The following PCDH15 variants were observed in gnomAD, a reference collection of about 807,000 sequenced individuals.
PCDH15 encodes protocadherin-15.
A neutral mutation model predicts 178.5 loss-of-function variants in PCDH15; 129 were observed. That is an observed-to-expected ratio of 0.72 (90% CI 0.63 to 0.84). The LOEUF is 0.84. Ranked by LOEUF, PCDH15 falls within the 40% of genes least tolerant of loss-of-function variation. The pLI, the probability that PCDH15 is intolerant of heterozygous loss-of-function variation, is 0.00. For synonymous variants in PCDH15, 800 were observed against 732.0 expected (o/e 1.09, Z -1.50); for missense variants, 2,230 against 2,099.9 (o/e 1.06, Z -1.21).
At chr10:55,263,270 T>C (rs138186625) in intron 1 of PCDH15, among the ~76,000 whole-genome samples, 93 of 152,306 alleles carry the variant, frequency 6.1e-4, no homozygotes, top group African/African-American at 2.2e-3. Context: ...CTTTTATGGT[T>C]TGAAATGGCT....
intron 13 of PCDH15, among the ~76,000 whole-genome samples, chr10:54,160,063 T>C (rs1331883447): frequency 6.6e-6 from 1 of 152,128 alleles, no homozygotes; most frequent in African/African-American, 2.4e-5. Flanking sequence ...TTGGGACCAT[T>C]GTTATGTAAA....
intron 2 of PCDH15, among the ~76,000 whole-genome samples, chr10:55,359,733 TATATATATATATATAC>T (rs1845179727): frequency 8.4e-6 from 1 of 118,384 alleles, no homozygotes; most frequent in Non-Finnish European, 1.8e-5. Context: ...TATATATATA[TATATATATATATATAC>T]ACACACACAC....
chr10:54,093,287 C>G (rs1169030026), intron 15 of PCDH15, among the ~76,000 whole-genome samples: 1 of 151,990 alleles, frequency 6.6e-6, no homozygotes, highest in Non-Finnish European at 1.5e-5. Context: ...TTATTTGATT[C>G]CTTTCTTCAT....
intron 10 of PCDH15, among the ~76,000 whole-genome samples, chr10:54,204,461 A>G (rs1250419428): frequency 6.6e-6 from 1 of 151,958 alleles, no homozygotes; most frequent in African/African-American, 2.4e-5. Context: ...GAGGTGTAGG[A>G]GGCGTATGGG....
At chr10:54,447,185 T>C (rs1322877468) in intron 3 of PCDH15, among the ~76,000 whole-genome samples, 1 of 151,644 alleles carries the variant, frequency 6.6e-6, no homozygotes, top group Non-Finnish European at 1.5e-5. Flanking sequence ...TACATGAGCC[T>C]GAATTTGGGT....
chr10:54,029,829 G>A (rs1175551279), intron 18 of PCDH15, among the ~76,000 whole-genome samples: 1 of 151,964 alleles, frequency 6.6e-6, no homozygotes, highest in Non-Finnish European at 1.5e-5. Flanking sequence ...CCATAAAAGT[G>A]GAAGTCCATT....
At chr10:54,678,337 A>G (rs2094830514) in intron 1 of PCDH15, among the ~76,000 whole-genome samples, 1 of 152,196 alleles carries the variant, frequency 6.6e-6, no homozygotes, top group Non-Finnish European at 1.5e-5. Context: ...AAATGATACC[A>G]GATTCCCAGG....
intron 3 of PCDH15, among the ~76,000 whole-genome samples, chr10:54,497,463 T>A (rs2080237481): frequency 1.3e-5 from 2 of 152,112 alleles, no homozygotes; most frequent in South Asian, 2.1e-4. Context: ...ATGGCTAAAA[T>A]GACAGACATA....
intron 2 of PCDH15, among the ~76,000 whole-genome samples, chr10:55,421,749 T>C (rs1297051432): frequency 6.6e-6 from 1 of 151,598 alleles, no homozygotes; most frequent in East Asian, 1.9e-4. Context: ...ATAACCTGCT[T>C]ATGTGGTTCT....
chr10:54,513,791 G>A (rs901385209), intron 3 of PCDH15, among the ~76,000 whole-genome samples: 1 of 152,138 alleles, frequency 6.6e-6, no homozygotes, highest in Non-Finnish European at 1.5e-5. Context: ...TCAAAAAACA[G>A]TATTTGAAAT....
chr10:55,409,165 C>A (rs1838275104), intron 2 of PCDH15, among the ~76,000 whole-genome samples: 2 of 152,116 alleles, frequency 1.3e-5, no homozygotes, highest in Admixed American at 1.3e-4. Context: ...CTGAATTTCA[C>A]ACTTGAACAT....
At chr10:54,610,358 T>C (rs572210038) in intron 2 of PCDH15, among the ~76,000 whole-genome samples, 1 of 152,060 alleles carries the variant, frequency 6.6e-6, no homozygotes, top group South Asian at 2.1e-4. Flanking sequence ...CTAAATAGTT[T>C]AGCCACATTA....
Position 53,826,080 on chromosome 10 carries a change from T to C in PCDH15, c.4367+1313A>G, listed in dbSNP as rs113387051. On this transcript the variant is annotated intron_variant, in intron 32 of 37. Coordinates refer to ENST00000644397, the MANE Select transcript of PCDH15 (RefSeq NM_001384140.1). ...TCTAAAGATCTTTGCTTGAGAGAGGTCATTAACATACTCAAATAGAATCAA... is the reference window on the plus strand; with the variant it reads ...TCTAAAGATCTTTGCTTGAGAGAGGCCATTAACATACTCAAATAGAATCAA... 4.5e-3 allele frequency among the ~76,000 whole-genome samples: 685 copies of C among 151,774 alleles called. 10 individuals are homozygous for C. The highest frequency in any genetic ancestry group is 0.015 in the African/African-American group (633 of 41,518).
rs182154478 is a variant in PCDH15 at position 54,394,941 on chromosome 10, C to T, written c.158-15999G>A. On this transcript the variant is annotated intron_variant, in intron 3 of 37. Transcript: ENST00000644397. The stretch of plus-strand genomic sequence containing the variant: ...TATGGCTCTGTTCTGCCCAGCTCAC[C>T]GGTGGTCAGAGTTTAAGGTTATCTC... 3.3e-3 allele frequency among the ~76,000 whole-genome samples: 500 copies of T among 152,204 alleles called. 3 individuals carry two copies. The highest frequency in any genetic ancestry group is 0.011 in the African/African-American group (475 of 41,522).
intron 1 of PCDH15, among the ~76,000 whole-genome samples, chr10:55,253,257 T>C (rs868694500): frequency 6.6e-6 from 1 of 151,484 alleles, no homozygotes; most frequent in East Asian, 1.9e-4. Context: ...TGCGTGTGTG[T>C]GTGTGTGTGT....
rs538507560 is a variant in PCDH15, at chr10:54,472,747, A to T, written c.157+55065T>A. 3.7e-4 allele frequency among the ~76,000 whole-genome samples: 56 copies of T among 152,284 alleles called. 1 individual carries two copies. The highest frequency in any genetic ancestry group is 6.8e-4 in the Non-Finnish European group (46 of 68,012). ...AAAGAAGATTTCAGAAGGAAATAAT[A>T]ACTGACCACAGTTTTAGAAAATGGG... On this transcript the variant is annotated intron_variant, in intron 3 of 37. Coordinates refer to ENST00000644397, the MANE Select transcript of PCDH15 (RefSeq NM_001384140.1).
chr10:54,380,229 T>C (rs974676868), intron 3 of PCDH15, among the ~76,000 whole-genome samples: 4 of 151,996 alleles, frequency 2.6e-5, no homozygotes, highest in Non-Finnish European at 2.9e-5. Context: ...TACACATACT[T>C]TTGTAAATGG....
chr10:55,230,633 A>T (rs1169452563), intron 1 of PCDH15, among the ~76,000 whole-genome samples: 1 of 152,100 alleles, frequency 6.6e-6, no homozygotes, highest in African/African-American at 2.4e-5. Context: ...TGGAACTTAC[A>T]GAGACAGCGG....
chr10:55,289,778 G>A (rs964100968), intron 1 of PCDH15, among the ~76,000 whole-genome samples: 13 of 152,076 alleles, frequency 8.5e-5, no homozygotes, highest in South Asian at 2.1e-4. Context: ...TTAACAGGTG[G>A]GTCTTTTAAG....
Sources: allele counts gnomAD v4.1 joint callset (sites outside exome capture counted in the v4.1 genomes callset), GRCh38; gene constraint gnomAD v4.1.1; transcripts MANE v1.5; gene names NCBI Gene and HGNC (gene_info 2026-07-23, HGNC 2026-07-21).